KIF18B: variants seen among roughly 807,000 people sequenced by gnomAD.
The protein encoded by KIF18B is kinesin-like protein KIF18B.
A neutral mutation model predicts 80.9 loss-of-function variants in KIF18B; 49 were observed. The ratio of observed to expected loss-of-function variants is 0.61; its 90% CI spans 0.48 to 0.77. The LOEUF is 0.77. KIF18B is among the 30% of genes least tolerant of loss of function. KIF18B has a pLI of 0.00. For missense variants in KIF18B, 994 were observed against 1,127.7 expected (o/e 0.88, Z 1.70); for synonymous variants, 439 against 463.9 (o/e 0.95, Z 0.69).
At position 44,934,365 on chromosome 17, in the gene KIF18B, G is replaced by C. The variant is rs371670954; in HGVS notation, c.753C>G (p.Ser251Arg). The change falls in exon 6 of 16, where the codon AGC becomes AGG. Residue 251 changes from serine (S) to arginine (R), a missense_variant. Transcript: ENST00000593135. This position sits in a 1 kb window ranked among gnomAD's most constrained non-coding sequence, Gnocchi z 5.4. ...GCTCTGAGCCAGCCAGGTCAATCAG[G>C]CTCATCTTGGCCACCTGGACAGCCT... The part of the protein sequence containing the change: ...LTQAVQVAKM[S>R]LIDLAGSERA... 5 of 1,606,946 alleles carry C rather than the reference G, an allele frequency of 3.1e-6. No individual in the cohort carries two copies. In the African/African-American group the frequency reaches 4.0e-5, roughly 13 times the overall value.
chr17:44,926,238 C>T (rs373172901), intron 15 of KIF18B, 52 bp from the exon 16 acceptor site: 282 of 1,607,848 alleles, frequency 1.8e-4, no homozygotes, highest in Non-Finnish European at 2.3e-4. Context: ...AGGAAAGTGA[C>T]GCTCTGTCCC....
chr17:44,929,859 T>C lies in KIF18B; in HGVS notation c.1518-835A>G, dbSNP rs1597877829. Among the ~76,000 whole-genome samples, 3 of 152,188 alleles carry C rather than the reference T, an allele frequency of 2.0e-5. No homozygotes were observed. In the East Asian group the frequency reaches 5.8e-4, roughly 29 times the overall value. On this transcript the variant is annotated intron_variant, in intron 11 of 15. Transcript: ENST00000593135. Reference sequence around the variant, plus strand: ...TATTTCACAGGCACTGGGGGGCTACTTGAAGGAAATGATGAAGGTAATGAG... The same window carrying C: ...TATTTCACAGGCACTGGGGGGCTACCTGAAGGAAATGATGAAGGTAATGAG...
chr17:44,937,280 A>C (rs2052329912), intron 1 of KIF18B, among the ~76,000 whole-genome samples: 1 of 152,122 alleles, frequency 6.6e-6, no homozygotes. Context: ...TTTGAATTGT[A>C]TTACATTTAC....
At chr17:44,938,362 G>A (rs1288242074) in intron 1 of KIF18B, among the ~76,000 whole-genome samples, 2 of 151,946 alleles carry the variant, frequency 1.3e-5, no homozygotes, top group African/African-American at 4.8e-5. Context: ...TTGTTGCTAT[G>A]GTAATTTATT....
intron 1 of KIF18B, among the ~76,000 whole-genome samples, chr17:44,937,572 G>A (rs935763405): frequency 6.6e-6 from 1 of 152,092 alleles, no homozygotes; most frequent in African/African-American, 2.4e-5. Context: ...CTAGTATGGA[G>A]GAACACAACT....
chr17:44,938,061 G>A (rs1052694581), intron 1 of KIF18B, among the ~76,000 whole-genome samples: 22 of 151,688 alleles, frequency 1.5e-4, no homozygotes, highest in Admixed American at 5.9e-4. Flanking sequence ...TGTTGCCTAG[G>A]CTGGAGTGCA....
At position 44,934,256 on chromosome 17, in the gene KIF18B, G is replaced by A; in HGVS notation, c.862C>T (p.Leu288Phe). The A allele has an allele frequency of 6.2e-7, 1 of 1,612,578 alleles. No homozygotes were observed. Among genetic ancestry groups the A allele is most frequent in the Non-Finnish European group, 8.5e-7 (1 of 1,179,520 alleles). Residue 288 changes from leucine (L) to phenylalanine (F), a missense_variant, in exon 6 of 16, where the codon CTC (leucine) becomes TTC (phenylalanine). Coordinates refer to ENST00000593135, the MANE Select transcript of KIF18B (RefSeq NM_001265577.2). This position sits in a 1 kb window ranked among gnomAD's most constrained non-coding sequence, Gnocchi z 5.4. The stretch of plus-strand genomic sequence containing the variant: ...ACCTTTGCATCGGCCAAGGCATTGA[G>A]GACGTTGATGAGCGCCAGCAGAGAG... ...NRSLLALINVLNALADAKGRK... is the reference protein window; with the variant it reads ...NRSLLALINVFNALADAKGRK...
In KIF18B at chr17:44,928,967, G is replaced by A. The variant is rs1321557303; in HGVS notation, c.1575C>T (p.Ala525=). ...TGATCATGTCGGGCGTCAGGAGGTT[G>A]GCTGCTTGGAGCAGGGAGTACTGCC... ...AQRQYSLLQA[A]NLLTPDMITE... is the part of the protein sequence containing the mutation. The change falls in exon 12 of 16, where the codon GCC becomes GCT. Residue 525 remains alanine (A), a synonymous_variant. Transcript: ENST00000593135. 3.7e-6 allele frequency: 6 copies of A among 1,614,034 alleles called. No individual in the cohort carries two copies. In the South Asian group the frequency reaches 4.4e-5, roughly 12 times the overall value.
chr17:44,934,776 A>G lies in KIF18B; in HGVS notation c.576+55T>C. On this transcript the variant is annotated intron_variant, in intron 4 of 15. Transcript: ENST00000593135. This position sits in a 1 kb window ranked among gnomAD's most constrained non-coding sequence, Gnocchi z 5.4. ...CAGGGCATCCCCAAACAGTTTTGTG[A>G]GGGAACCCCAAGGACCCATGGGGCC... 7.2e-7 allele frequency: 1 copy of G among 1,387,074 alleles called. No individual in the cohort carries two copies. Among genetic ancestry groups the G allele is most frequent in the Non-Finnish European group, 9.9e-7 (1 of 1,011,740 alleles). 85.9% of individuals were successfully genotyped at this position (1,387,074 alleles called of 1,614,324 possible).
At chr17:44,938,384 C>T (rs1175128902) in intron 1 of KIF18B, among the ~76,000 whole-genome samples, 3 of 152,062 alleles carry the variant, frequency 2.0e-5, no homozygotes, top group Non-Finnish European at 2.9e-5. Context: ...GATATTATTC[C>T]TGATATCAAA....
chr17:44,928,450 C>G lies in KIF18B; in HGVS notation c.1852G>C (p.Ala618Pro). Reference sequence around the variant, plus strand: ...TCCATGGGCCATCGGGACCCCTGGGCTGGGGTGCAGTTGGGTCCAGGCGGG... The same window carrying G: ...TCCATGGGCCATCGGGACCCCTGGGGTGGGGTGCAGTTGGGTCCAGGCGGG... The part of the protein sequence containing the change: ...GIPPGPNCTP[A>P]QGSRWPMEKK... Residue 618 changes from alanine to proline, a missense_variant, in exon 13 of 16, where the codon GCC becomes CCC. Ala to Pro is a conservative substitution (Grantham distance 27). Coordinates refer to ENST00000593135, the MANE Select transcript of KIF18B (RefSeq NM_001265577.2). 3 of 1,536,694 alleles carry G rather than the reference C, an allele frequency of 2.0e-6. No homozygotes were observed. The highest frequency in any genetic ancestry group is 2.6e-6 in the Non-Finnish European group (3 of 1,146,436).
intron 11 of KIF18B, among the ~76,000 whole-genome samples, chr17:44,930,791 A>G (rs2052129160): frequency 6.6e-6 from 1 of 152,004 alleles, no homozygotes; most frequent in Admixed American, 6.6e-5. Context: ...TCCCTGGGAG[A>G]TCAGGGGGAT....
At chr17:44,945,407 T>C (rs1485636630) in intron 1 of KIF18B, among the ~76,000 whole-genome samples, 1 of 152,254 alleles carries the variant, frequency 6.6e-6, no homozygotes, top group Non-Finnish European at 1.5e-5. Flanking sequence ...TTCTGTCTTA[T>C]TAAAGTTGGA....
chr17:44,931,544 G>A, intron 11 of KIF18B, 58 bp downstream of exon 11: 3 of 1,611,592 alleles, frequency 1.9e-6, no homozygotes, highest in Non-Finnish European at 2.5e-6. Context: ...CCACACCCAG[G>A]GAGGCTGAGC....
Position 44,938,064 on chromosome 17 carries a change from G to A in KIF18B, c.-14-1706C>T, listed in dbSNP as rs1039251500. On this transcript the variant is annotated intron_variant, in intron 1 of 15. Coordinates refer to ENST00000593135, the MANE Select transcript of KIF18B (RefSeq NM_001265577.2). The stretch of plus-strand genomic sequence containing the variant: ...GAGTTTCACTCTTGTTGCCTAGGCT[G>A]GAGTGCAATGGTGCGATCTCAGCTC... Among the ~76,000 whole-genome samples, 3 of 151,804 alleles carry A rather than the reference G, an allele frequency of 2.0e-5. No individual in the cohort carries two copies. In the South Asian group the frequency reaches 6.2e-4, roughly 32 times the overall value.
Position 44,928,143 on chromosome 17 carries a change from A to T in KIF18B, c.2159T>A (p.Leu720His). The T allele has an allele frequency of 6.2e-7, 1 of 1,606,482 alleles. No homozygotes were observed. Among genetic ancestry groups the T allele is most frequent in the East Asian group, 2.2e-5 (1 of 44,776 alleles). The change falls in exon 13 of 16, where the codon CTC becomes CAC. Residue 720 changes from leucine (L) to histidine (H), a missense_variant. By Grantham distance (99) the Leu-to-His change is moderately conservative. Transcript: ENST00000593135. ...CTCAGAGAGATCAAAGGTGGCATTG[A>T]GGTCTCGAGTGGGCAGAGCCAGCGG... ...STPLALPTRDLNATFDLSEEP... is the reference protein window; with the variant it reads ...STPLALPTRDHNATFDLSEEP...
At chr17:44,935,578 T>G (rs1320005413) in intron 2 of KIF18B, among the ~76,000 whole-genome samples, 162 bp from the exon 3 acceptor site, 2 of 152,186 alleles carry the variant, frequency 1.3e-5, no homozygotes, top group African/African-American at 2.4e-5. Context: ...GAGTTCTCTG[T>G]GTGTTTGTTC....
rs1300978296 is a variant in KIF18B at position 44,936,622 on chromosome 17, ATATTTTTTTTTTTTTTTTTTTT to A, written c.-14-286_-14-265del. Among the ~76,000 whole-genome samples the A allele has an allele frequency of 1.4e-3, 62 of 43,834 alleles. 2 individuals are homozygous for A. The highest frequency in any genetic ancestry group is 3.0e-3 in the African/African-American group (29 of 9,554). The allele number at this position is 43,834 out of a possible 152,430, so 28.8% of individuals were successfully genotyped here. A position where few individuals can be genotyped will look rare whatever the true frequency, so the allele number is the denominator to read the frequency against. On this transcript the variant is annotated intron_variant, in intron 1 of 15. Coordinates refer to ENST00000593135, the MANE Select transcript of KIF18B (RefSeq NM_001265577.2). ...TCTATATATATATATATATATATATATATTTTTTTTTTTTTTTTTTTTTTTTTTTTTTTTTGAGACGGACTCT... is the reference window on the plus strand; with the variant it reads ...TCTATATATATATATATATATATATATTTTTTTTTTTTTGAGACGGACTCT...
At chr17:44,944,435 G>T (rs1320970314) in intron 1 of KIF18B, among the ~76,000 whole-genome samples, 1 of 151,960 alleles carries the variant, frequency 6.6e-6, no homozygotes, top group Non-Finnish European at 1.5e-5. Context: ...TAGAGATGGG[G>T]TTTCACCATG....
Sources: allele counts gnomAD v4.1 joint callset (sites outside exome capture counted in the v4.1 genomes callset), GRCh38; gene constraint gnomAD v4.1.1; non-coding constraint Gnocchi (gnomAD v3.1); transcripts MANE v1.5; gene names NCBI Gene and HGNC (gene_info 2026-07-23, HGNC 2026-07-21).